Variants in PRSS12 observed in about 807,000 individuals in gnomAD.
PRSS12 encodes the protein neurotrypsin.
PRSS12 carries 85 observed loss-of-function variants against 104.4 expected under a neutral mutation model. The ratio of observed to expected loss-of-function variants is 0.81; its 90% CI spans 0.68 to 0.98. The LOEUF is 0.98. PRSS12 is among the 50% of genes least tolerant of loss of function. The pLI is 0.00. For synonymous variants in PRSS12, 454 were observed against 425.2 expected, an observed-to-expected ratio of 1.07 and a Z score of -0.83; for missense variants, 1,141 against 1,139.2, an observed-to-expected ratio of 1.00 and a Z score of -0.02.
chr4:118,323,298 G>A (rs1723680900), intron 4 of PRSS12, among the ~76,000 whole-genome samples: 1 of 151,828 alleles, frequency 6.6e-6, no homozygotes, highest in African/African-American at 2.4e-5. Flanking sequence ...TGAGATAAAT[G>A]CCACCAAAAA....
intron 8 of PRSS12, among the ~76,000 whole-genome samples, chr4:118,300,155 C>T (rs952309451): frequency 3.3e-5 from 5 of 151,836 alleles, no homozygotes; most frequent in Admixed American, 6.6e-5. Context: ...GGACTACAGG[C>T]GCATGCCACC....
intron 8 of PRSS12, 121 bp downstream of exon 8, chr4:118,308,315 C>A: frequency 7.6e-7 from 1 of 1,319,878 alleles, no homozygotes; most frequent in Non-Finnish European, 1.1e-6. Context: ...CAATATGCTG[C>A]CAGTATTTTC....
chr4:118,294,794 A>T, intron 11 of PRSS12, 145 bp downstream of exon 11: 1 of 1,151,420 alleles, frequency 8.7e-7, no homozygotes, highest in Non-Finnish European at 1.3e-6. Context: ...TCCTTTTGTC[A>T]CTCCCTCATT....
chr4:118,309,715 A>G (rs1743655784), intron 7 of PRSS12, among the ~76,000 whole-genome samples: 1 of 152,246 alleles, frequency 6.6e-6, no homozygotes, highest in African/African-American at 2.4e-5. Context: ...TTTAGGGAAT[A>G]CAATAAAGCA....
intron 9 of PRSS12, among the ~76,000 whole-genome samples, chr4:118,296,639 G>A (rs935655612): frequency 2.0e-5 from 3 of 152,028 alleles, no homozygotes; most frequent in African/African-American, 7.2e-5. Flanking sequence ...TCTAAGAGGA[G>A]GAGGGTGGGA....
At position 118,316,283 on chromosome 4, in the gene PRSS12, C is replaced by T; in HGVS notation, c.1191G>A (p.Glu397=). 1 of 1,614,102 alleles carries T rather than the reference C, an allele frequency of 6.2e-7. No individual in the cohort carries two copies. Among genetic ancestry groups the T allele is most frequent in the Non-Finnish European group, 8.5e-7 (1 of 1,180,012 alleles). Residue 397 remains glutamate, a synonymous_variant, in exon 6 of 13, where the codon GAG becomes GAA. Coordinates refer to ENST00000296498, the MANE Select transcript of PRSS12 (RefSeq NM_003619.4). ...CTCTGTAATATACCTCCAAGCGACC[C>T]TCATGGCTGCCTTTCCCACCTGCAA... ...IRLAGGKGSH[E]GRLEVYYRGQ...
At chr4:118,335,722 G>C (rs1724048354) in intron 2 of PRSS12, 71 bp from the exon 3 acceptor site, 1 of 1,372,090 alleles carries the variant, frequency 7.3e-7, no homozygotes, top group African/African-American at 1.4e-5. Flanking sequence ...ATTTGGATTT[G>C]AAAAAAAATG....
At chr4:118,294,401 G>A (rs184634935) in intron 11 of PRSS12, among the ~76,000 whole-genome samples, 101 of 152,222 alleles carry the variant, frequency 6.6e-4, no homozygotes, top group African/African-American at 2.3e-3. Flanking sequence ...CCGTGACTCT[G>A]GTGACTCTGC....
intron 4 of PRSS12, among the ~76,000 whole-genome samples, chr4:118,322,441 G>T (rs1723655586): frequency 6.6e-6 from 1 of 151,904 alleles, no homozygotes; most frequent in South Asian, 2.1e-4. Context: ...TGCTACTTGG[G>T]AGGCTGCGGC....
chr4:118,291,531 AT>A (rs1166719678), intron 11 of PRSS12, among the ~76,000 whole-genome samples: 2 of 152,172 alleles, frequency 1.3e-5, no homozygotes, highest in African/African-American at 4.8e-5. Flanking sequence ...TCCCTTTAAC[AT>A]TTGTGGTATC....
chr4:118,288,170 T>C (rs17516219), intron 11 of PRSS12, among the ~76,000 whole-genome samples: 9,296 of 152,308 alleles, frequency 0.061, 385 homozygotes, highest in Non-Finnish European at 0.092. Flanking sequence ...CTAAAATCTG[T>C]TTTTCCTCTC....
intron 1 of PRSS12, 68 bp downstream of exon 1, chr4:118,352,151 C>A: frequency 6.3e-7 from 1 of 1,591,538 alleles, no homozygotes; most frequent in East Asian, 2.3e-5. Context: ...GAGACCTGTA[C>A]GCCGGCCCCA....
At chr4:118,286,582 C>T (rs1743019468) in intron 11 of PRSS12, among the ~76,000 whole-genome samples, 1 of 152,126 alleles carries the variant, frequency 6.6e-6, no homozygotes, top group African/African-American at 2.4e-5. Context: ...GTCATGATCA[C>T]TATTGTATCC....
At chr4:118,351,849 A>G (rs539609176) in intron 1 of PRSS12, among the ~76,000 whole-genome samples, 7 of 152,276 alleles carry the variant, frequency 4.6e-5, no homozygotes, top group Admixed American at 2.6e-4. Flanking sequence ...TTTAATGTAA[A>G]TATGGTAACC....
chr4:118,324,621 G>A (rs1389064771), intron 4 of PRSS12, among the ~76,000 whole-genome samples: 1 of 152,070 alleles, frequency 6.6e-6, no homozygotes, highest in Non-Finnish European at 1.5e-5. Context: ...GAGAGTACAA[G>A]CCCCAAACAT....
chr4:118,323,237 T>G (rs1036870570), intron 4 of PRSS12, among the ~76,000 whole-genome samples: 2 of 152,008 alleles, frequency 1.3e-5, no homozygotes, highest in African/African-American at 4.8e-5. Context: ...AGAAGCCAGA[T>G]AGGAAAGCTC....
At chr4:118,294,815 G>C (rs1743215454) in intron 11 of PRSS12, 124 bp downstream of exon 11, 2 of 1,352,080 alleles carry the variant, frequency 1.5e-6, no homozygotes, top group Non-Finnish European at 2.1e-6. Flanking sequence ...CCACAGGGCT[G>C]CTGGCACAAG....
At position 118,282,917 on chromosome 4, in the gene PRSS12, T is replaced by C. The variant is rs893295563; in HGVS notation, c.2234A>G (p.His745Arg). Residue 745 changes from histidine to arginine, a missense_variant, in exon 12 of 13, where the codon CAT becomes CGT. Physicochemically the swap from His to Arg is conservative, Grantham distance 29. Transcript: ENST00000296498. ...PEEQCARFSS[H>R]VLPACLPLWR... is the part of the protein sequence containing the mutation. ...GAGTGGTAAACAGGCTGGCAAAACA[T>C]GGCTGCTGAATCTGGCACATTGCTC... 16 of 1,614,104 alleles carry C rather than the reference T, an allele frequency of 9.9e-6. 1 individual carries two copies. In the South Asian group the frequency reaches 1.4e-4, roughly 14 times the overall value.
rs1578898424 is a variant in PRSS12, at chr4:118,281,795, C to CAGCAGGGGGTACACAATTTTTT, written c.*119_*140dup. 3 of 681,358 alleles carry CAGCAGGGGGTACACAATTTTTT rather than the reference C, an allele frequency of 4.4e-6. No individual in the cohort carries two copies. The highest frequency in any genetic ancestry group is 5.3e-5 in the East Asian group (2 of 37,552). The allele number at this position is 681,358 out of a possible 1,614,324, so 42.2% of individuals were successfully genotyped here. On this transcript the variant is annotated 3_prime_UTR_variant, in exon 13 of 13. Transcript: ENST00000296498. ...AAAATGTTCACAAATTTCTCAAAAG[C>CAGCAGGGGGTACACAATTTTTT]AGCAGGGGGTACACAATTTTTTACC...
Sources: allele counts gnomAD v4.1 joint callset (sites outside exome capture counted in the v4.1 genomes callset), GRCh38; gene constraint gnomAD v4.1.1; transcripts MANE v1.5; gene names NCBI Gene and HGNC (gene_info 2026-07-23, HGNC 2026-07-21).